ZNF483: variants seen among roughly 807,000 people sequenced by gnomAD.
The protein encoded by ZNF483 is zinc finger protein 483.
A neutral mutation model predicts 28.6 loss-of-function variants in ZNF483; 9 were observed. The observed-to-expected ratio is 0.32, with a 90% confidence interval of 0.19 to 0.55. The LOEUF is 0.55. Ranked by LOEUF, ZNF483 falls within the 20% of genes least tolerant of loss-of-function variation. ZNF483 has a pLI of 0.93. For synonymous variants in ZNF483, 322 were observed against 306.2 expected (o/e 1.05, Z -0.54); for missense variants, 675 against 871.7 (o/e 0.77, Z 2.84).
rs770892607 is a variant in ZNF483 at position 111,542,005 on chromosome 9, A to T, written c.1070A>T (p.Lys357Met). 1 of 1,614,098 alleles carries T rather than the reference A, an allele frequency of 6.2e-7. No homozygotes were observed. The part of the protein sequence containing the change: ...LNRKEKTAGE[K>M]SRKSNDGGKV... Reference sequence around the variant, plus strand: ...CGCAAGGAGAAAACCGCCGGAGAAAAGTCACGGAAATCTAATGATGGTGGG... The same window carrying T: ...CGCAAGGAGAAAACCGCCGGAGAAATGTCACGGAAATCTAATGATGGTGGG... Residue 357 changes from lysine (K) to methionine (M), a missense_variant, in exon 6 of 6, where the codon AAG (lysine) becomes ATG (methionine). Coordinates refer to ENST00000309235, the MANE Select transcript of ZNF483 (RefSeq NM_133464.5). The surrounding 1 kb of genome is among the most constrained non-coding windows in gnomAD (Gnocchi z 6.2).
chr9:111,541,010 T>C (rs182138976), intron 5 of ZNF483, among the ~76,000 whole-genome samples: 82 of 152,226 alleles, frequency 5.4e-4, no homozygotes, highest in African/African-American at 1.9e-3. Context: ...ACCTGGCATT[T>C]GGTAAATATT....
downstream of ZNF483, among the ~76,000 whole-genome samples, chr9:111,557,506 C>T (rs1417306907): frequency 2.0e-5 from 3 of 151,694 alleles, no homozygotes; most frequent in Admixed American, 6.6e-5. Context: ...AGTGCAATGG[C>T]GTGATCTCAG....
At chr9:111,561,106 TATATAG>T (rs1463409744) in intron 5 of ZNF483, among the ~76,000 whole-genome samples, 7 of 23,164 alleles carry the variant, frequency 3.0e-4, no homozygotes, top group African/African-American at 1.4e-3. Flanking sequence ...TATATATATA[TATATAG>T]AGAGAGAGAG....
At chr9:111,533,920 C>G in intron 4 of ZNF483, 55 bp downstream of exon 4, 1 of 1,567,766 alleles carries the variant, frequency 6.4e-7, no homozygotes, top group South Asian at 1.2e-5. Flanking sequence ...TCTTTTTGTT[C>G]CCTTTTATTG....
chr9:111,568,228 C>A lies in ZNF483; in HGVS notation c.722-8137C>A, dbSNP rs539052093. ...CAAGTAGGGAAGATATTGCTAAATT[C>A]TTTTCCTAGCAAGGAATATTAATAA... On this transcript the variant is annotated intron_variant, in intron 5 of 5. Transcript: ENST00000358151. 7.9e-5 allele frequency among the ~76,000 whole-genome samples: 12 copies of A among 152,226 alleles called. No individual in the cohort carries two copies. The East Asian group carries it at 2.3e-3, about 29-fold the overall frequency.
intron 5 of ZNF483, among the ~76,000 whole-genome samples, chr9:111,561,148 G>GGAGAGAGAGA (rs527553902): frequency 8.6e-5 from 3 of 34,834 alleles, no homozygotes; most frequent in African/African-American, 1.4e-4. Context: ...GGAGAGAGAG[G>GGAGAGAGAGA]GAGAGAGAGA....
downstream of ZNF483, among the ~76,000 whole-genome samples, chr9:111,558,726 G>T (rs1828193495): frequency 6.6e-6 from 1 of 152,054 alleles, no homozygotes; most frequent in Non-Finnish European, 1.5e-5. Flanking sequence ...ATTTATATGT[G>T]TGTCTATGTA....
intron 5 of ZNF483, among the ~76,000 whole-genome samples, chr9:111,567,460 C>T (rs996718369): frequency 2.0e-5 from 3 of 152,146 alleles, no homozygotes; most frequent in African/African-American, 4.8e-5. Flanking sequence ...GCTGGGATTA[C>T]AAGTGTGAAC....
chr9:111,526,838 G>A (rs967323661), intron 1 of ZNF483, among the ~76,000 whole-genome samples: 8 of 152,114 alleles, frequency 5.3e-5, no homozygotes, highest in African/African-American at 1.7e-4. Context: ...AGTGGCTCAC[G>A]CCTGTAATCC....
chr9:111,535,929 C>G (rs1433363442), intron 5 of ZNF483, among the ~76,000 whole-genome samples: 3 of 148,466 alleles, frequency 2.0e-5, no homozygotes, highest in African/African-American at 7.4e-5. Flanking sequence ...CAGAGTTACC[C>G]AGGCTGGAGT....
At position 111,554,191 on chromosome 9, in the gene ZNF483, C is replaced by A. The variant is rs1235969735; in HGVS notation, c.*11021C>A. On this transcript the variant is annotated 3_prime_UTR_variant, in exon 6 of 6. Coordinates refer to ENST00000309235, the MANE Select transcript of ZNF483 (RefSeq NM_133464.5). ...ACTATTATGTTATTGGAACTAACTA[C>A]TTAGCAAATGGAATTGATAGTTAAT... Among the ~76,000 whole-genome samples the A allele has an allele frequency of 6.6e-6, 1 of 152,206 alleles. No individual in the cohort carries two copies. Among genetic ancestry groups the A allele is most frequent in the South Asian group, 2.1e-4 (1 of 4,836 alleles).
chr9:111,547,095 AC>A lies in ZNF483; in HGVS notation c.*3926del, dbSNP rs1370522660. On this transcript the variant is annotated 3_prime_UTR_variant, in exon 6 of 6. Transcript: ENST00000309235. ...TGTTTATCCTTTTATCTGCCAGTGA[AC>A]ATTTAAGTTGTTTGCACCATTTTGG... Among the ~76,000 whole-genome samples, 4 of 152,120 alleles carry A rather than the reference AC, an allele frequency of 2.6e-5. No homozygotes were observed. Among genetic ancestry groups the A allele is most frequent in the Non-Finnish European group, 5.9e-5 (4 of 67,998 alleles).
chr9:111,568,092 AC>A (rs1377804529), intron 5 of ZNF483, among the ~76,000 whole-genome samples: 1 of 152,192 alleles, frequency 6.6e-6, no homozygotes, highest in Non-Finnish European at 1.5e-5. Flanking sequence ...GAACAGAATA[AC>A]AGCGATTTTC....
At chr9:111,531,034 T>C in intron 3 of ZNF483, 71 bp downstream of exon 3, 4 of 718,430 alleles carry the variant, frequency 5.6e-6, no homozygotes, top group Non-Finnish European at 8.4e-6. Context: ...GGTATAAAGA[T>C]ATAAAAATAA....
At chr9:111,532,129 C>T (rs554121004) in intron 3 of ZNF483, among the ~76,000 whole-genome samples, 19 of 152,144 alleles carry the variant, frequency 1.2e-4, no homozygotes, top group Non-Finnish European at 2.5e-4. Flanking sequence ...GGCAACATAG[C>T]GAGACCCTCG....
chr9:111,574,667 G>T, intron 5 of ZNF483: 1 of 1,046,922 alleles, frequency 9.6e-7, no homozygotes, highest in Non-Finnish European at 1.4e-6. Flanking sequence ...CTGGCCTATG[G>T]CATATCTGTG....
rs746639434 is a variant in ZNF483 at position 111,541,861 on chromosome 9, A to G, written c.926A>G (p.His309Arg). The G allele has an allele frequency of 1.2e-6, 2 of 1,613,828 alleles. No individual in the cohort carries two copies. Among genetic ancestry groups the G allele is most frequent in the East Asian group, 2.2e-5 (1 of 44,888 alleles). ...KFDPDKSPFG[H>R]NFKETSDLIK... The stretch of plus-strand genomic sequence containing the variant: ...GACCCAGATAAAAGCCCCTTTGGAC[A>G]TAATTTCAAAGAAACTTCAGACTTA... The change falls in exon 6 of 6, where the codon CAT (histidine) becomes CGT (arginine). Residue 309 changes from histidine (H) to arginine (R), a missense_variant. Physicochemically the swap from His to Arg is conservative, Grantham distance 29. This residue lies in a region of ZNF483 where 525 missense variants were observed against 581.8 expected (regional missense o/e 0.90). Coordinates refer to ENST00000309235, the MANE Select transcript of ZNF483 (RefSeq NM_133464.5).
intron 5 of ZNF483, chr9:111,539,309 T>C: frequency 2.8e-6 from 1 of 355,172 alleles, no homozygotes; most frequent in Non-Finnish European, 5.6e-6. Flanking sequence ...TTATTACGCA[T>C]TAAATTTGCA....
At position 111,572,569 on chromosome 9, in the gene ZNF483, G is replaced by A. The variant is rs192710950; in HGVS notation, c.722-3796G>A. ...CGTGCCATTGCACTCCAGCCTGGGCGACAGAGTGAGACTCTGTCTCAAAAC... is the reference window on the plus strand; with the variant it reads ...CGTGCCATTGCACTCCAGCCTGGGCAACAGAGTGAGACTCTGTCTCAAAAC... On this transcript the variant is annotated intron_variant, in intron 5 of 5. Transcript: ENST00000358151. Among the ~76,000 whole-genome samples, 549 of 150,646 alleles carry A rather than the reference G, an allele frequency of 3.6e-3. 14 individuals are homozygous for A. The highest frequency in any genetic ancestry group is 0.032 in the Admixed American group (484 of 15,148).
Sources: allele counts gnomAD v4.1 joint callset (sites outside exome capture counted in the v4.1 genomes callset), GRCh38; gene constraint gnomAD v4.1.1; regional missense constraint gnomAD v4.1.1; non-coding constraint Gnocchi (gnomAD v3.1); transcripts MANE v1.5; gene names NCBI Gene and HGNC (gene_info 2026-07-23, HGNC 2026-07-21).